Variants in CNTN4 observed in about 807,000 individuals in gnomAD.
The protein encoded by CNTN4 is contactin 4.
CNTN4 carries 77 observed loss-of-function variants against 122.5 expected under a neutral mutation model. The observed-to-expected ratio is 0.63, with a 90% confidence interval of 0.52 to 0.76. The LOEUF (loss-of-function observed/expected upper bound fraction) is 0.76, where lower values mean the gene tolerates loss of function less well. Among genes scored for constraint, CNTN4 ranks in the 30% least tolerant of loss-of-function variants. CNTN4 has a pLI of 0.00. For synonymous variants in CNTN4, 512 were observed against 447.0 expected (o/e 1.15, Z -1.83); for missense variants, 1,256 against 1,259.1 (o/e 1.00, Z 0.04).
At chr3:2,346,925 ATTAC>A (rs922512123) in intron 3 of CNTN4, among the ~76,000 whole-genome samples, 10 of 152,180 alleles carry the variant, frequency 6.6e-5, no homozygotes, top group African/African-American at 2.4e-4. Flanking sequence ...TATTTCTAAA[ATTAC>A]TTTTGTTGTC....
At chr3:2,539,581 C>T (rs1408289507) in intron 3 of CNTN4, among the ~76,000 whole-genome samples, 1 of 152,066 alleles carries the variant, frequency 6.6e-6, no homozygotes, top group Non-Finnish European at 1.5e-5. Flanking sequence ...ATGGTATTTA[C>T]ACTTGGAAAG....
At chr3:2,204,066 T>A (rs909174765) in intron 2 of CNTN4, among the ~76,000 whole-genome samples, 2 of 152,190 alleles carry the variant, frequency 1.3e-5, no homozygotes, top group Non-Finnish European at 2.9e-5. Context: ...AACATTTAAA[T>A]TCTTAAATTT....
chr3:2,415,580 TA>T (rs1158341641), intron 3 of CNTN4, among the ~76,000 whole-genome samples: 1 of 152,216 alleles, frequency 6.6e-6, no homozygotes, highest in East Asian at 1.9e-4. Flanking sequence ...AGTTCAATGG[TA>T]GGTGTAAGAC....
At chr3:2,885,275 A>G (rs941295624) in intron 9 of CNTN4, among the ~76,000 whole-genome samples, 4 of 152,224 alleles carry the variant, frequency 2.6e-5, no homozygotes, top group African/African-American at 7.2e-5. Context: ...TGCAGATTCA[A>G]TGATGCCCTC....
intron 3 of CNTN4, among the ~76,000 whole-genome samples, chr3:2,467,508 G>A (rs2075545178): frequency 6.6e-6 from 1 of 152,062 alleles, no homozygotes; most frequent in African/African-American, 2.4e-5. Context: ...CTGTATCTCA[G>A]CCTTTCTCCT....
chr3:2,616,321 T>C (rs2081736204), intron 4 of CNTN4, among the ~76,000 whole-genome samples: 1 of 152,208 alleles, frequency 6.6e-6, no homozygotes, highest in Non-Finnish European at 1.5e-5. Flanking sequence ...TTCCTTTTTA[T>C]GGCTGCATAG....
chr3:2,167,346 A>G (rs1320875886), intron 2 of CNTN4, among the ~76,000 whole-genome samples: 1 of 152,184 alleles, frequency 6.6e-6, no homozygotes, highest in East Asian at 1.9e-4. Context: ...AACCAAAAAT[A>G]AAAAGGTAAC....
chr3:2,635,628 C>T (rs554554916), intron 4 of CNTN4, among the ~76,000 whole-genome samples: 5 of 152,214 alleles, frequency 3.3e-5, no homozygotes, highest in Admixed American at 6.5e-5. Context: ...AGGCACCACC[C>T]AGCATCTGCC....
chr3:2,548,151 A>C (rs111717438), intron 3 of CNTN4, among the ~76,000 whole-genome samples: 2 of 151,868 alleles, frequency 1.3e-5, no homozygotes, highest in East Asian at 1.9e-4. Context: ...TGATAGTTTC[A>C]TTGCTGTGCG....
intron 12 of CNTN4, among the ~76,000 whole-genome samples, chr3:2,909,062 A>G (rs2094269825): frequency 6.6e-6 from 1 of 152,222 alleles, no homozygotes; most frequent in South Asian, 2.1e-4. Flanking sequence ...AGGCTAAACT[A>G]AAAGTTATTT....
intron 3 of CNTN4, among the ~76,000 whole-genome samples, chr3:2,462,546 G>A (rs990422943): frequency 2.0e-5 from 3 of 152,112 alleles, no homozygotes; most frequent in Admixed American, 6.5e-5. Flanking sequence ...TGTTTCAGGC[G>A]TTTTCTTTTT....
chr3:2,505,127 G>A (rs961093548), intron 3 of CNTN4, among the ~76,000 whole-genome samples: 9 of 152,276 alleles, frequency 5.9e-5, no homozygotes, highest in Middle Eastern at 6.8e-3. Flanking sequence ...GATGAATGTT[G>A]TGGTCTTTCT....
At chr3:2,832,658 TGTTTCA>T (rs1173397210) in intron 7 of CNTN4, among the ~76,000 whole-genome samples, 1 of 152,104 alleles carries the variant, frequency 6.6e-6, no homozygotes, top group Non-Finnish European at 1.5e-5. Flanking sequence ...TGGGGAAGGG[TGTTTCA>T]GTTTACTGTG....
chr3:2,327,163 G>A (rs2043499639), intron 2 of CNTN4, among the ~76,000 whole-genome samples: 1 of 151,852 alleles, frequency 6.6e-6, no homozygotes, highest in Admixed American at 6.6e-5. Context: ...TTGTGTGTGT[G>A]TGTGTCTATA....
intron 3 of CNTN4, among the ~76,000 whole-genome samples, chr3:2,428,504 C>T (rs946855240): frequency 1.8e-4 from 27 of 152,196 alleles, no homozygotes; most frequent in Non-Finnish European, 2.9e-5. Flanking sequence ...CTGCCCTTAA[C>T]ATTTTTTCCT....
chr3:2,888,023 A>G (rs1431766703), intron 10 of CNTN4, among the ~76,000 whole-genome samples: 1 of 152,258 alleles, frequency 6.6e-6, no homozygotes, highest in Non-Finnish European at 1.5e-5. Flanking sequence ...TAAACAAACA[A>G]CAATGCATAT....
At chr3:2,200,112 C>CCCCTGCA (rs1559336637) in intron 2 of CNTN4, among the ~76,000 whole-genome samples, 2 of 152,002 alleles carry the variant, frequency 1.3e-5, no homozygotes, top group Admixed American at 1.3e-4. Context: ...AATGGATTCA[C>CCCCTGCA]GAGGATAAAG....
chr3:2,511,914 G>T (rs2076898574), intron 3 of CNTN4, among the ~76,000 whole-genome samples: 1 of 152,150 alleles, frequency 6.6e-6, no homozygotes, highest in Non-Finnish European at 1.5e-5. Context: ...ATAGAAATTA[G>T]AAATTATTGG....
At chr3:2,737,985 G>C (rs1176059535) in intron 5 of CNTN4, among the ~76,000 whole-genome samples, 1 of 152,152 alleles carries the variant, frequency 6.6e-6, no homozygotes, top group Non-Finnish European at 1.5e-5. Context: ...AGAGGCAGCA[G>C]AAAGAGACAA....
Sources: allele counts gnomAD v4.1 joint callset (sites outside exome capture counted in the v4.1 genomes callset), GRCh38; gene constraint gnomAD v4.1.1; transcripts MANE v1.5; gene names NCBI Gene and HGNC (gene_info 2026-07-23, HGNC 2026-07-21).